GIT2: variants seen among roughly 807,000 people sequenced by gnomAD.
The protein encoded by GIT2 is GIT ArfGAP 2.
A neutral mutation model predicts 100.3 loss-of-function variants in GIT2; 32 were observed. The observed-to-expected ratio is 0.32, with a 90% CI of 0.24 to 0.43. GIT2 has a LOEUF of 0.43. Among genes scored for constraint, GIT2 ranks in the 20% least tolerant of loss-of-function variants. The probability of loss-of-function intolerance (pLI) is 1.00; values close to 1 mark genes in which losing one functional copy is unlikely to be tolerated. For missense variants in GIT2, 737 were observed against 975.1 expected, an observed-to-expected ratio of 0.76 and a Z score of 3.25; for synonymous variants, 353 against 364.1, an observed-to-expected ratio of 0.97 and a Z score of 0.35.
intron 7 of GIT2, among the ~76,000 whole-genome samples, chr12:109,977,148 T>C (rs772047482): frequency 3.9e-5 from 6 of 152,196 alleles, no homozygotes; most frequent in African/African-American, 7.2e-5. Context: ...TCATTGGATA[T>C]AGAGTTCTGG....
chr12:109,948,249 C>T lies in GIT2; in HGVS notation c.1393-745G>A, dbSNP rs900941683. 7.1e-6 allele frequency: 7 copies of T among 986,002 alleles called. No homozygotes were observed. Among genetic ancestry groups the T allele is most frequent in the Non-Finnish European group, 7.2e-6 (6 of 830,410 alleles). 61.1% of individuals were successfully genotyped at this position (986,002 alleles called of 1,614,324 possible). A position where few individuals can be genotyped will look rare whatever the true frequency, so the allele number is the denominator to read the frequency against. On this transcript the variant is annotated intron_variant, in intron 14 of 19. Coordinates refer to ENST00000355312, the MANE Select transcript of GIT2 (RefSeq NM_057169.5). This position sits in a 1 kb window ranked among gnomAD's most constrained non-coding sequence, Gnocchi z 4.3. ...CTTCGCATGGATGCTCCACGCAGCA[C>T]GCTTGCTTCCGTCTGGTGAGTGATC...
chr12:109,947,750 G>A lies in GIT2; in HGVS notation c.1393-246C>T. On this transcript the variant is annotated intron_variant, in intron 14 of 19. Transcript: ENST00000355312. This position sits in a 1 kb window ranked among gnomAD's most constrained non-coding sequence, Gnocchi z 4.3. ...CTGAATGTGGAAAAGTTGTGGTTTGGACTTCCTCAAAACAAAATGTCTAAC... is the reference window on the plus strand; with the variant it reads ...CTGAATGTGGAAAAGTTGTGGTTTGAACTTCCTCAAAACAAAATGTCTAAC... 1 of 482,310 alleles carries A rather than the reference G, an allele frequency of 2.1e-6. No individual in the cohort carries two copies. The highest frequency in any genetic ancestry group is 3.7e-6 in the Non-Finnish European group (1 of 270,036). 29.9% of individuals were successfully genotyped at this position (482,310 alleles called of 1,614,324 possible). A position where few individuals can be genotyped will look rare whatever the true frequency, so the allele number is the denominator to read the frequency against.
rs781489292 is a variant in GIT2 at position 109,981,003 on chromosome 12, G to A, written c.667C>T (p.Gln223Ter). ...GCTAGTCTGTCCGTTAGCTCATACT[G>A]TATTTCCACGAGGCGCTCTGCCAGC... The part of the protein sequence containing the change: ...HELAERLVEI[Q>*]YELTDRLAFY... Residue 223 changes from glutamine (Q) to a stop codon, truncating the protein, a stop_gained, in exon 7 of 20, where the codon CAG becomes TAG. Coordinates refer to ENST00000355312, the MANE Select transcript of GIT2 (RefSeq NM_057169.5). LOFTEE classifies it high-confidence loss of function. The A allele has an allele frequency of 1.2e-6, 2 of 1,613,208 alleles. No homozygotes were observed. The highest frequency in any genetic ancestry group is 3.3e-5 in the Admixed American group (2 of 59,982).
In GIT2 at chr12:109,931,284, A is replaced by G. The variant is rs1439969568; in HGVS notation, c.*1694T>C. The G allele has an allele frequency of 6.6e-6, 1 of 152,304 alleles. No individual in the cohort carries two copies. Among genetic ancestry groups the G allele is most frequent in the African/African-American group, 2.4e-5 (1 of 41,468 alleles). The allele number at this position is 152,304 out of a possible 1,614,324, so 9.4% of individuals were successfully genotyped here. ...GGTTAAAAACAGGAGCGACAGCAAC[A>G]TAACACACAGGGTTGGCCGGCTCCA... On this transcript the variant is annotated 3_prime_UTR_variant, in exon 20 of 20. Coordinates refer to ENST00000355312, the MANE Select transcript of GIT2 (RefSeq NM_057169.5).
chr12:109,975,642 TC>T (rs1884853691), intron 7 of GIT2, among the ~76,000 whole-genome samples: 2 of 152,094 alleles, frequency 1.3e-5, no homozygotes, highest in Admixed American at 6.6e-5. Context: ...TTCTATTTGG[TC>T]CTTAGTTTTT....
intron 4 of GIT2, among the ~76,000 whole-genome samples, chr12:109,987,758 G>A (rs879647537): frequency 3.9e-5 from 6 of 152,092 alleles, no homozygotes; most frequent in Non-Finnish European, 8.8e-5. Context: ...GTGAGCCATC[G>A]CACCCGGCCA....
chr12:109,940,880 AAAAACAAAAC>A (rs746121434), intron 16 of GIT2, among the ~76,000 whole-genome samples: 40 of 151,224 alleles, frequency 2.6e-4, no homozygotes, highest in Admixed American at 5.3e-4. Context: ...CCCTAACTCA[AAAAACAAAAC>A]AAAACAAAAC....
At chr12:109,949,522 C>T (rs1350531827) in intron 14 of GIT2, among the ~76,000 whole-genome samples, 1 of 152,032 alleles carries the variant, frequency 6.6e-6, no homozygotes, top group Non-Finnish European at 1.5e-5. Context: ...ATTTTAATGA[C>T]GTTTATCTTA....
intron 7 of GIT2, among the ~76,000 whole-genome samples, chr12:109,970,097 AC>A (rs1565985795): frequency 6.6e-6 from 1 of 152,022 alleles, no homozygotes; most frequent in Non-Finnish European, 1.5e-5. Flanking sequence ...GTCAGGTTTT[AC>A]ATTTAGATCT....
chr12:109,977,825 C>G (rs1416470968), intron 7 of GIT2, among the ~76,000 whole-genome samples: 1 of 151,682 alleles, frequency 6.6e-6, no homozygotes, highest in Admixed American at 6.6e-5. Flanking sequence ...CCATCTCAAA[C>G]AAACAAAGTA....
chr12:109,952,741 A>G (rs559728056), intron 13 of GIT2: 9 of 465,190 alleles, frequency 1.9e-5, no homozygotes, highest in Non-Finnish European at 3.8e-5. Flanking sequence ...GCTTCGTATG[A>G]CACACATCAC....
rs1871532391 is a variant in GIT2, at chr12:109,930,909, T to A, written c.*2069A>T. 1 of 152,178 alleles carries A rather than the reference T, an allele frequency of 6.6e-6. No individual in the cohort carries two copies. The highest frequency in any genetic ancestry group is 6.5e-5 in the Admixed American group (1 of 15,280). 9.4% of individuals were successfully genotyped at this position (152,178 alleles called of 1,614,324 possible). Reference sequence around the variant, plus strand: ...AAGGCTATCAGATGGCGCCTGAACTTAAGGTGGGAGGCCCCCTTCTAGAAG... The same window carrying A: ...AAGGCTATCAGATGGCGCCTGAACTAAAGGTGGGAGGCCCCCTTCTAGAAG... On this transcript the variant is annotated 3_prime_UTR_variant, in exon 20 of 20. Coordinates refer to ENST00000355312, the MANE Select transcript of GIT2 (RefSeq NM_057169.5).
intron 16 of GIT2, among the ~76,000 whole-genome samples, chr12:109,943,556 A>AT (rs1875379755): frequency 6.6e-6 from 1 of 152,140 alleles, no homozygotes; most frequent in African/African-American, 2.4e-5. Context: ...CTGGTCTCAA[A>AT]TTCCTGGGCT....
chr12:109,951,712 C>CA (rs1392324016), intron 13 of GIT2, among the ~76,000 whole-genome samples: 1 of 152,104 alleles, frequency 6.6e-6, no homozygotes, highest in African/African-American at 2.4e-5. Flanking sequence ...AGAAAAGAGA[C>CA]AAAGATTCCT....
At position 109,980,245 on chromosome 12, in the gene GIT2, T is replaced by C. The variant is rs563608703; in HGVS notation, c.718+707A>G. Among the ~76,000 whole-genome samples, 4 of 152,200 alleles carry C rather than the reference T, an allele frequency of 2.6e-5. No individual in the cohort carries two copies. In the East Asian group the frequency reaches 7.7e-4, roughly 29 times the overall value. On this transcript the variant is annotated intron_variant, in intron 7 of 19. Transcript: ENST00000355312. Reference sequence around the variant, plus strand: ...GCCTGGCTGATTTTTTAAAAAACTTTTTTGTGGAGACGGAGTCTCACCCCT... The same window carrying C: ...GCCTGGCTGATTTTTTAAAAAACTTCTTTGTGGAGACGGAGTCTCACCCCT...
chr12:109,952,158 T>G (rs1169836022), intron 13 of GIT2, among the ~76,000 whole-genome samples: 1 of 152,190 alleles, frequency 6.6e-6, no homozygotes, highest in East Asian at 1.9e-4. Context: ...CAAACAAATC[T>G]TCTATAAATC....
At chr12:109,956,077 C>T (rs373062857) in intron 12 of GIT2, among the ~76,000 whole-genome samples, 3 of 152,184 alleles carry the variant, frequency 2.0e-5, no homozygotes, top group Non-Finnish European at 4.4e-5. Flanking sequence ...TACAGGCACG[C>T]GTCACCATGC....
In GIT2 at chr12:109,948,639, G is replaced by C; in HGVS notation, c.1393-1135C>G. Reference sequence around the variant, plus strand: ...GAGTTCAGCTGTCTACTCTTTGACAGAGATTGTAAAATCTGACCAAATTCC... The same window carrying C: ...GAGTTCAGCTGTCTACTCTTTGACACAGATTGTAAAATCTGACCAAATTCC... On this transcript the variant is annotated intron_variant, in intron 14 of 19. Transcript: ENST00000355312. This position sits in a 1 kb window ranked among gnomAD's most constrained non-coding sequence, Gnocchi z 4.3. 7.0e-7 allele frequency: 1 copy of C among 1,427,918 alleles called. No individual in the cohort carries two copies. Among genetic ancestry groups the C allele is most frequent in the East Asian group, 2.6e-5 (1 of 38,696 alleles). The allele number at this position is 1,427,918 out of a possible 1,614,324, so 88.5% of individuals were successfully genotyped here.
rs1871550970 is a variant in GIT2, at chr12:109,931,029, T to TTC, written c.*1948_*1949insGA. ...GGAGACGTGGACCCTTTTCCCATGCTACTCACAGTGAAGCAAAATGCGACA... is the reference window on the plus strand; with the variant it reads ...GGAGACGTGGACCCTTTTCCCATGCTTCACTCACAGTGAAGCAAAATGCGACA... On this transcript the variant is annotated 3_prime_UTR_variant, in exon 20 of 20. Coordinates refer to ENST00000355312, the MANE Select transcript of GIT2 (RefSeq NM_057169.5). The TTC allele has an allele frequency of 2.0e-5, 3 of 152,220 alleles. No homozygotes were observed. The highest frequency in any genetic ancestry group is 1.3e-4 in the Admixed American group (2 of 15,278). 9.4% of individuals were successfully genotyped at this position (152,220 alleles called of 1,614,324 possible). A position where few individuals can be genotyped will look rare whatever the true frequency, so the allele number is the denominator to read the frequency against.
Sources: gnomAD v4.1 joint callset for allele counts (sites outside exome capture counted in the v4.1 genomes callset) on GRCh38, gnomAD v4.1.1 for gene constraint, Gnocchi (gnomAD v3.1) non-coding constraint, MANE v1.5 for transcripts, NCBI Gene and HGNC (gene_info 2026-07-23, HGNC 2026-07-21) for gene names.